Variants in RANBP2 observed in about 807,000 individuals in gnomAD.
The protein encoded by RANBP2 is E3 SUMO-protein ligase RanBP2.
Under a neutral mutation model 303.6 loss-of-function variants are expected in RANBP2, and 57 were observed. The ratio of observed to expected loss-of-function variants is 0.19; its 90% confidence interval spans 0.15 to 0.23. The LOEUF (loss-of-function observed/expected upper bound fraction) is 0.23. Among genes scored for constraint, RANBP2 ranks in the 10% least tolerant of loss-of-function variants. The pLI, the probability that RANBP2 is intolerant of heterozygous loss-of-function variation, is 1.00. For synonymous variants in RANBP2, 1,167 were observed against 1,301.5 expected, an observed-to-expected ratio of 0.90 and a Z score of 2.23; for missense variants, 3,138 against 3,780.8, an observed-to-expected ratio of 0.83 and a Z score of 4.46.
At chr2:109,591,848 G>A in the RANBP2 span, among the ~76,000 whole-genome samples, 1 of 152,010 alleles carries the variant, frequency 6.6e-6, no homozygotes, top group Admixed American at 6.6e-5. Flanking sequence ...AGTGAGCCGA[G>A]ATTGCACCAC....
the RANBP2 span, among the ~76,000 whole-genome samples, chr2:109,050,776 T>A: frequency 6.6e-6 from 1 of 151,896 alleles, no homozygotes. Flanking sequence ...ATTTAGATGT[T>A]CTTAAATGTT....
the RANBP2 span, among the ~76,000 whole-genome samples, chr2:109,074,010 A>C: frequency 2.6e-5 from 4 of 151,004 alleles, no homozygotes; most frequent in Admixed American, 2.6e-4. Context: ...CAACAATAAA[A>C]CACAAAGGAA....
the RANBP2 span, among the ~76,000 whole-genome samples, chr2:109,086,960 A>G: frequency 6.6e-6 from 1 of 152,350 alleles, no homozygotes; most frequent in East Asian, 1.9e-4. Flanking sequence ...CCCACAGCAC[A>G]TCAATTCTGT....
chr2:109,168,357 C>T, the RANBP2 span, among the ~76,000 whole-genome samples: 4 of 152,094 alleles, frequency 2.6e-5, no homozygotes, highest in Admixed American at 2.0e-4. Context: ...TTGTTCAGAA[C>T]CCAGCTATCA....
At chr2:108,974,598 T>C in the RANBP2 span, among the ~76,000 whole-genome samples, 1,121 of 150,930 alleles carry the variant, frequency 7.4e-3, 10 homozygotes, top group South Asian at 0.03. Flanking sequence ...GGCATGGTGG[T>C]GTGTGCCTGT....
At chr2:109,638,662 G>A in the RANBP2 span, among the ~76,000 whole-genome samples, 1 of 152,158 alleles carries the variant, frequency 6.6e-6, no homozygotes, top group Non-Finnish European at 1.5e-5. Context: ...GAGTAGGTTT[G>A]CACAGTAGTA....
chr2:109,380,186 G>A, the RANBP2 span, among the ~76,000 whole-genome samples: 2 of 152,164 alleles, frequency 1.3e-5, no homozygotes, highest in Admixed American at 6.5e-5. Context: ...AAAATAGGTA[G>A]GTGCCTAGGT....
chr2:109,376,601 C>T, the RANBP2 span, among the ~76,000 whole-genome samples: 12 of 152,212 alleles, frequency 7.9e-5, no homozygotes, highest in South Asian at 1.0e-3. Context: ...TTGACAACAT[C>T]GGTTGTCCAG....
the RANBP2 span, among the ~76,000 whole-genome samples, chr2:109,049,485 A>G: frequency 6.6e-6 from 1 of 152,138 alleles, no homozygotes; most frequent in African/African-American, 2.4e-5. Context: ...TTTCAAAGAG[A>G]TGACCCCTCA....
At chr2:109,289,550 T>C in the RANBP2 span, among the ~76,000 whole-genome samples, 2 of 152,218 alleles carry the variant, frequency 1.3e-5, no homozygotes. Context: ...TTAGCAATTA[T>C]GGGGACCATG....
chr2:108,915,911 A>T, the RANBP2 span, among the ~76,000 whole-genome samples: 1 of 152,126 alleles, frequency 6.6e-6, no homozygotes, highest in East Asian at 1.9e-4. Context: ...AAAAAAATAA[A>T]AAATAAATAA....
chr2:109,605,005 A>G, the RANBP2 span: 2 of 152,326 alleles, frequency 1.3e-5, no homozygotes, highest in East Asian at 3.9e-4. Flanking sequence ...ACTGAGTTTA[A>G]GGTTCCTATG....
At chr2:109,364,078 T>C in the RANBP2 span, among the ~76,000 whole-genome samples, 6 of 152,132 alleles carry the variant, frequency 3.9e-5, no homozygotes, top group African/African-American at 1.2e-4. Flanking sequence ...CTTCTCCTTC[T>C]AGTATTCCCA....
chr2:108,767,691 C>T lies in RANBP2; in HGVS notation c.7152C>T (p.His2384=), dbSNP rs774033010. ...RDQVLKLCAN[H]RITPDMTLQN... ...AAGTATTAAAACTTTGTGCCAATCA[C>T]AGAATAACTCCAGACATGACTTTGC... Residue 2384 remains histidine (H), a synonymous_variant, in exon 20 of 29, where the codon CAC becomes CAT. Transcript: ENST00000283195. The T allele has an allele frequency of 1.2e-6, 2 of 1,611,912 alleles. No homozygotes were observed. The highest frequency in any genetic ancestry group is 1.7e-5 in the Admixed American group (1 of 60,006).
chr2:109,424,894 G>A, the RANBP2 span, among the ~76,000 whole-genome samples: 3 of 152,188 alleles, frequency 2.0e-5, no homozygotes, highest in Non-Finnish European at 4.4e-5. Context: ...CTCACTTTAA[G>A]TCAAAAGTTA....
chr2:109,501,849 A>T, the RANBP2 span: 1 of 581,520 alleles, frequency 1.7e-6, no homozygotes. Flanking sequence ...CTTCTCCCAA[A>T]ACCCCCAAAC....
chr2:108,753,930 A>T lies in RANBP2; in HGVS notation c.2161A>T (p.Ile721Phe), dbSNP rs141771399. The T allele has an allele frequency of 1.9e-6, 3 of 1,612,024 alleles. No homozygotes were observed. The highest frequency in any genetic ancestry group is 1.7e-5 in the Admixed American group (1 of 60,028). ...LRKTRDYLIK[I>F]IDDSDSNLSV... ...AAAGACCAGGGACTACCTAATAAAG[A>T]TTATAGATGACAGTGATTCAAATCT... The change falls in exon 15 of 29, where the codon ATT (isoleucine) becomes TTT (phenylalanine). Residue 721 changes from isoleucine to phenylalanine, a missense_variant. Physicochemically the swap from Ile to Phe is conservative, Grantham distance 21 (BLOSUM62 0). Around this residue, in one of 20 missense-constraint regions of RANBP2, gnomAD observed 194 missense variants for 197.4 expected, o/e 0.98. Coordinates refer to ENST00000283195, the MANE Select transcript of RANBP2 (RefSeq NM_006267.5).
the RANBP2 span, among the ~76,000 whole-genome samples, chr2:108,975,491 G>A: frequency 6.6e-6 from 1 of 152,294 alleles, no homozygotes; most frequent in African/African-American, 2.4e-5. Context: ...CCTAGCCTGG[G>A]TCAACCCGCG....
the RANBP2 span, among the ~76,000 whole-genome samples, chr2:108,900,448 G>A: frequency 6.6e-6 from 1 of 152,022 alleles, no homozygotes; most frequent in African/African-American, 2.4e-5. Flanking sequence ...CAACTACTTG[G>A]GAGGCTGAGG....
Sources: allele counts gnomAD v4.1 joint callset (sites outside exome capture counted in the v4.1 genomes callset), GRCh38; gene constraint gnomAD v4.1.1; regional missense constraint gnomAD v4.1.1; transcripts MANE v1.5; gene names NCBI Gene and HGNC (gene_info 2026-07-23, HGNC 2026-07-21).